The following PPARG variants were observed in gnomAD, a reference collection of about 807,000 sequenced individuals.
PPARG encodes the protein peroxisome proliferator-activated receptor gamma.
A neutral mutation model predicts 39.2 loss-of-function variants in PPARG; 17 were observed. That is an observed-to-expected ratio of 0.43 (90% CI 0.30 to 0.65). PPARG has a LOEUF of 0.65. Ranked by LOEUF, PPARG falls within the 30% of genes least tolerant of loss-of-function variation. PPARG has a pLI of 0.13. For synonymous variants in PPARG, 223 were observed against 215.7 expected (o/e 1.03, Z -0.30); for missense variants, 406 against 585.9 (o/e 0.69, Z 3.17).
chr3:12,392,654 A>G lies in PPARG; in HGVS notation c.431A>G (p.Asp144Gly), dbSNP rs1211829538. The stretch of plus-strand genomic sequence containing the variant: ...ACAATCAGATTGAAGCTTATCTATG[A>G]CAGATGTGATCTTAACTGTCGGATC... Reference protein sequence around the residue: ...RRTIRLKLIYDRCDLNCRIHK... With the variant: ...RRTIRLKLIYGRCDLNCRIHK... The change falls in exon 5 of 8, where the codon GAC becomes GGC. Residue 144 changes from aspartate to glycine, a missense_variant. By Grantham distance (94) the Asp-to-Gly change is moderately conservative (BLOSUM62 -1). Coordinates refer to ENST00000651735, the MANE Select transcript of PPARG (RefSeq NM_138711.6). 3.1e-6 allele frequency: 5 copies of G among 1,613,932 alleles called. No individual in the cohort carries two copies. The South Asian group carries it at 4.4e-5, about 14-fold the overall frequency.
rs1294708427 is a variant in PPARG at position 12,381,476 on chromosome 3, T to G, written c.375T>G (p.Ala125=). 1.2e-5 allele frequency: 19 copies of G among 1,613,510 alleles called. No individual in the cohort carries two copies. The highest frequency in any genetic ancestry group is 1.4e-5 in the Non-Finnish European group (17 of 1,179,674). Reference sequence around the variant, plus strand: ...CTGGATTTCACTATGGAGTTCATGCTTGTGAAGGATGCAAGGTAATTAAAA... The same window carrying G: ...CTGGATTTCACTATGGAGTTCATGCGTGTGAAGGATGCAAGGTAATTAAAA... ...KASGFHYGVH[A]CEGCKGFFRR... Residue 125 remains alanine, a synonymous_variant, in exon 4 of 8, where the codon GCT becomes GCG. Transcript: ENST00000651735.
chr3:12,408,198 T>A (rs994158764), intron 6 of PPARG, among the ~76,000 whole-genome samples: 1 of 152,214 alleles, frequency 6.6e-6, no homozygotes, highest in Non-Finnish European at 1.5e-5. Flanking sequence ...GAGAAAACTT[T>A]CCATGATTGT....
intron 2 of PPARG, among the ~76,000 whole-genome samples, chr3:12,339,597 A>G (rs1179272269): frequency 6.6e-6 from 1 of 152,214 alleles, no homozygotes; most frequent in East Asian, 1.9e-4. Context: ...AAATACTTTT[A>G]GTGGAACCAA....
At chr3:12,422,418 G>A (rs916110460) in intron 7 of PPARG, among the ~76,000 whole-genome samples, 1 of 152,172 alleles carries the variant, frequency 6.6e-6, no homozygotes, top group Non-Finnish European at 1.5e-5. Context: ...GTGAGGTCAA[G>A]GTTCAGACCC....
chr3:12,361,552 T>G (rs1369181612), intron 2 of PPARG, among the ~76,000 whole-genome samples: 1 of 152,240 alleles, frequency 6.6e-6, no homozygotes, highest in African/African-American at 2.4e-5. Flanking sequence ...GGTTTATCTC[T>G]TTCATGGGGA....
rs530007199 is a variant in PPARG at position 12,416,938 on chromosome 3, G to C, written c.964G>C (p.Glu322Gln). The C allele has an allele frequency of 6.2e-7, 1 of 1,614,018 alleles. No individual in the cohort carries two copies. Among genetic ancestry groups the C allele is most frequent in the Non-Finnish European group, 8.5e-7 (1 of 1,179,988 alleles). The change falls in exon 7 of 8, where the codon GAG becomes CAG. Residue 322 changes from glutamate (E) to glutamine (Q), a missense_variant. This residue lies in a region of PPARG where 275 missense variants were observed against 458.0 expected (regional missense o/e 0.60). Coordinates refer to ENST00000651735, the MANE Select transcript of PPARG (RefSeq NM_138711.6). ...QVTLLKYGVH[E>Q]IIYTMLASLM... The stretch of plus-strand genomic sequence containing the variant: ...AACTCTCCTCAAATATGGAGTCCAC[G>C]AGATCATTTACACAATGCTGGCCTC...
chr3:12,370,052 C>A (rs2049153964), intron 2 of PPARG, among the ~76,000 whole-genome samples: 1 of 152,116 alleles, frequency 6.6e-6, no homozygotes, highest in African/African-American at 2.4e-5. Flanking sequence ...CTTTTCTCTT[C>A]TTGGTTCTGG....
At chr3:12,312,036 C>T (rs1307157637) in intron 1 of PPARG, among the ~76,000 whole-genome samples, 1 of 152,102 alleles carries the variant, frequency 6.6e-6, no homozygotes. Flanking sequence ...ATAGAGGTAT[C>T]GTCATTCATG....
intron 2 of PPARG, among the ~76,000 whole-genome samples, chr3:12,354,611 G>T (rs1438637831): frequency 6.6e-6 from 1 of 152,000 alleles, no homozygotes; most frequent in African/African-American, 2.4e-5. Context: ...AAATTAGCCA[G>T]GCGTGGTGGT....
At chr3:12,355,235 C>T (rs1297984159) in intron 2 of PPARG, among the ~76,000 whole-genome samples, 3 of 152,016 alleles carry the variant, frequency 2.0e-5, no homozygotes, top group East Asian at 3.9e-4. Flanking sequence ...CCCTGGGCTT[C>T]GGTGATCCTC....
chr3:12,416,425 A>G (rs2051058445), intron 6 of PPARG, among the ~76,000 whole-genome samples: 1 of 148,264 alleles, frequency 6.7e-6, no homozygotes, highest in Non-Finnish European at 1.5e-5. Flanking sequence ...AAGACTCCCC[A>G]AACAAAAGAA....
intron 5 of PPARG, among the ~76,000 whole-genome samples, chr3:12,395,430 C>G (rs185257690): frequency 8.0e-4 from 122 of 152,266 alleles, no homozygotes; most frequent in African/African-American, 2.9e-3. Context: ...AGTAATGTAG[C>G]CTGAGAGCAG....
At chr3:12,416,609 G>T (rs2051064591) in intron 6 of PPARG, 95 bp from the exon 7 acceptor site, 1 of 1,221,518 alleles carries the variant, frequency 8.2e-7, no homozygotes, top group Admixed American at 2.0e-5. Context: ...AGTTAGCAAA[G>T]CAAGTTTACA....
chr3:12,428,268 A>T (rs919079584), intron 7 of PPARG, among the ~76,000 whole-genome samples: 2 of 152,234 alleles, frequency 1.3e-5, no homozygotes, highest in Non-Finnish European at 2.9e-5. Flanking sequence ...CTCTGTAATC[A>T]ATTCCAGGAC....
intron 1 of PPARG, among the ~76,000 whole-genome samples, chr3:12,289,695 T>C (rs2046600845): frequency 6.6e-6 from 1 of 152,220 alleles, no homozygotes; most frequent in South Asian, 2.1e-4. Flanking sequence ...TGGTGCTAGA[T>C]GATTTAGAAA....
chr3:12,329,789 C>T (rs1413684724), intron 2 of PPARG, among the ~76,000 whole-genome samples: 1 of 152,196 alleles, frequency 6.6e-6, no homozygotes, highest in African/African-American at 2.4e-5. Flanking sequence ...TAAACAACAA[C>T]TCCACATCAC....
chr3:12,433,610 T>C (rs1194735641), intron 7 of PPARG, among the ~76,000 whole-genome samples: 1 of 151,972 alleles, frequency 6.6e-6, no homozygotes, highest in South Asian at 2.1e-4. Context: ...GAAACTTCAT[T>C]TGGGGAACAG....
chr3:12,317,907 G>A (rs527859937), intron 2 of PPARG, among the ~76,000 whole-genome samples: 178 of 152,272 alleles, frequency 1.2e-3, no homozygotes, highest in African/African-American at 4.2e-3. Context: ...GTATGATAGT[G>A]GTGGGAGGCT....
At chr3:12,357,714 G>C (rs958321985) in intron 2 of PPARG, among the ~76,000 whole-genome samples, 4 of 152,272 alleles carry the variant, frequency 2.6e-5, no homozygotes, top group African/African-American at 9.6e-5. Context: ...CCAAATACCT[G>C]AATAGTATTG....
Sources: gnomAD v4.1 joint callset for allele counts (sites outside exome capture counted in the v4.1 genomes callset) on GRCh38, gnomAD v4.1.1 for gene constraint, gnomAD v4.1.1 regional missense constraint, MANE v1.5 for transcripts, NCBI Gene and HGNC (gene_info 2026-07-23, HGNC 2026-07-21) for gene names.